CSMD3: variants seen among roughly 807,000 people sequenced by gnomAD.
CSMD3 encodes CUB and sushi domain-containing protein 3.
CSMD3 carries 177 observed loss-of-function variants against 435.2 expected under a neutral mutation model. The ratio of observed to expected loss-of-function variants is 0.41; its 90% CI spans 0.36 to 0.46. The LOEUF (loss-of-function observed/expected upper bound fraction) is 0.46, where lower values mean the gene tolerates loss of function less well. Among genes scored for constraint, CSMD3 ranks in the 20% least tolerant of loss-of-function variants. The pLI is 0.34. For missense variants in CSMD3, 4,265 were observed against 4,504.6 expected, an observed-to-expected ratio of 0.95 and a Z score of 1.52; for synonymous variants, 1,656 against 1,520.5, an observed-to-expected ratio of 1.09 and a Z score of -2.07.
intron 3 of CSMD3, 59 bp downstream of exon 3, chr8:113,278,533 G>A: frequency 1.2e-6 from 1 of 814,966 alleles, no homozygotes; most frequent in Non-Finnish European, 2.2e-6. Context: ...TTTCCTACTT[G>A]AAAAATTTTG....
At chr8:113,104,290 A>G (rs1361859291) in intron 4 of CSMD3, among the ~76,000 whole-genome samples, 1 of 152,038 alleles carries the variant, frequency 6.6e-6, no homozygotes, top group Admixed American at 6.6e-5. Context: ...TTTTTCTACA[A>G]TTCTCCTTTG....
At chr8:112,751,142 G>C (rs2077561234) in intron 13 of CSMD3, among the ~76,000 whole-genome samples, 1 of 151,810 alleles carries the variant, frequency 6.6e-6, no homozygotes, top group South Asian at 2.1e-4. Context: ...GAATATGCAT[G>C]CATATAATCC....
intron 7 of CSMD3, among the ~76,000 whole-genome samples, chr8:112,965,722 C>T (rs2084392271): frequency 6.6e-6 from 1 of 151,988 alleles, no homozygotes; most frequent in African/African-American, 2.4e-5. Context: ...TTTAAATGTG[C>T]ATAAACCCGT....
chr8:112,644,798 A>G (rs1405268202), intron 20 of CSMD3, among the ~76,000 whole-genome samples: 2 of 152,106 alleles, frequency 1.3e-5, no homozygotes, highest in African/African-American at 4.8e-5. Context: ...TCTTAACACT[A>G]TGCCAGAAAC....
intron 1 of CSMD3, among the ~76,000 whole-genome samples, chr8:113,326,337 A>T (rs1435971771): frequency 4.5e-5 from 6 of 134,080 alleles, no homozygotes; most frequent in Non-Finnish European, 8.1e-5. Context: ...TATATTAATT[A>T]TATTAAGATC....
At chr8:113,338,026 C>G (rs2094090066) in intron 1 of CSMD3, among the ~76,000 whole-genome samples, 1 of 151,668 alleles carries the variant, frequency 6.6e-6, no homozygotes, top group Admixed American at 6.6e-5. Context: ...AAAGTATTAG[C>G]AAATTATACA....
Position 112,629,358 on chromosome 8 carries a change from T to A in CSMD3, c.3715+7459A>T, listed in dbSNP as rs545052573. Among the ~76,000 whole-genome samples the A allele has an allele frequency of 1.7e-3, 256 of 152,180 alleles. 3 individuals carry two copies. The highest frequency in any genetic ancestry group is 5.9e-3 in the African/African-American group (245 of 41,540). ...CTGAGACAACCGTCATACACCACAA[T>A]GCCTAGATAATTTTTTATAGAGAAG... On this transcript the variant is annotated intron_variant, in intron 22 of 70. Transcript: ENST00000297405.
At chr8:112,839,126 C>G (rs990641870) in intron 11 of CSMD3, among the ~76,000 whole-genome samples, 3 of 151,744 alleles carry the variant, frequency 2.0e-5, no homozygotes, top group African/African-American at 7.3e-5. Flanking sequence ...TAGGCTAATC[C>G]ACTTTGCTGC....
At chr8:112,811,614 G>A (rs932826377) in intron 12 of CSMD3, among the ~76,000 whole-genome samples, 5 of 152,136 alleles carry the variant, frequency 3.3e-5, no homozygotes, top group African/African-American at 1.2e-4. Flanking sequence ...CAATTAACAT[G>A]TGTGTAATGG....
At chr8:112,679,079 G>A (rs564877989) in intron 16 of CSMD3, among the ~76,000 whole-genome samples, 108 of 130,104 alleles carry the variant, frequency 8.3e-4, no homozygotes, top group African/African-American at 3.2e-3. Flanking sequence ...TGGGGGGATG[G>A]GGCAGGTTTT....
intron 3 of CSMD3, among the ~76,000 whole-genome samples, chr8:113,184,203 T>C (rs1328780075): frequency 1.3e-5 from 2 of 152,028 alleles, no homozygotes; most frequent in East Asian, 3.9e-4. Context: ...TACAGAGCTT[T>C]CATTCCCTCC....
intron 27 of CSMD3, among the ~76,000 whole-genome samples, chr8:112,535,395 A>C (rs902389173): frequency 2.6e-5 from 4 of 152,004 alleles, no homozygotes; most frequent in Admixed American, 6.6e-5. Flanking sequence ...ACAGAGAGCC[A>C]AATCATGAGT....
chr8:112,916,859 G>GGGT (rs1427112286), intron 10 of CSMD3, among the ~76,000 whole-genome samples: 2 of 151,876 alleles, frequency 1.3e-5, no homozygotes, highest in African/African-American at 4.8e-5. Flanking sequence ...ATAAAAATAT[G>GGGT]GGTGCAGTGG....
At chr8:112,682,378 C>T (rs2075918970) in intron 16 of CSMD3, 64 bp downstream of exon 16, 1 of 1,176,770 alleles carries the variant, frequency 8.5e-7, no homozygotes, top group African/African-American at 1.5e-5. Flanking sequence ...TAATGTGTTT[C>T]TTGTTGTGGT....
At chr8:113,051,443 A>G (rs2088088974) in intron 5 of CSMD3, among the ~76,000 whole-genome samples, 1 of 152,142 alleles carries the variant, frequency 6.6e-6, no homozygotes, top group East Asian at 1.9e-4. Flanking sequence ...TAGAAAAACT[A>G]CAGATTTTTA....
intron 25 of CSMD3, among the ~76,000 whole-genome samples, chr8:112,553,484 G>A (rs975393920): frequency 2.0e-5 from 3 of 152,010 alleles, no homozygotes; most frequent in African/African-American, 4.8e-5. Flanking sequence ...ATTTTAGTTA[G>A]CATATTGCTC....
intron 5 of CSMD3, among the ~76,000 whole-genome samples, chr8:113,096,554 T>C (rs1398045113): frequency 1.3e-5 from 2 of 152,180 alleles, no homozygotes; most frequent in East Asian, 3.9e-4. Flanking sequence ...GTAGCCACAG[T>C]GACTTTTTTT....
chr8:112,603,993 T>A (rs1035569489), intron 22 of CSMD3, among the ~76,000 whole-genome samples: 8 of 152,184 alleles, frequency 5.3e-5, no homozygotes, highest in Non-Finnish European at 1.2e-4. Flanking sequence ...TGAATATTGA[T>A]TCAGATTTTA....
At chr8:112,662,383 T>A (rs2075405633) in intron 17 of CSMD3, among the ~76,000 whole-genome samples, 2 of 152,050 alleles carry the variant, frequency 1.3e-5, no homozygotes, top group Non-Finnish European at 2.9e-5. Flanking sequence ...TCTACAACTA[T>A]CTGATCTTTG....
Sources: gnomAD v4.1 joint callset for allele counts (sites outside exome capture counted in the v4.1 genomes callset) on GRCh38, gnomAD v4.1.1 for gene constraint, MANE v1.5 for transcripts, NCBI Gene and HGNC (gene_info 2026-07-23, HGNC 2026-07-21) for gene names.